Variants in POLR1C observed in about 807,000 individuals in gnomAD.
POLR1C encodes RNA polymerase I and III subunit C.
Under a neutral mutation model 38.3 loss-of-function variants are expected in POLR1C, and 42 were observed. The ratio of observed to expected loss-of-function variants is 1.10; its 90% CI spans 0.86 to 1.42. The LOEUF (loss-of-function observed/expected upper bound fraction) is 1.42. Ranked by LOEUF, POLR1C falls within the 40% of genes most tolerant of loss-of-function variation. POLR1C has a pLI of 0.00. For missense variants in POLR1C, 507 were observed against 450.5 expected, an observed-to-expected ratio of 1.13 and a Z score of -1.14; for synonymous variants, 163 against 163.9, an observed-to-expected ratio of 0.99 and a Z score of 0.04.
downstream of POLR1C, chr6:43,524,981 CTG>C: frequency 1.9e-6 from 3 of 1,611,960 alleles, no homozygotes; most frequent in Non-Finnish European, 2.5e-6. Flanking sequence ...GGGGAGACAA[CTG>C]TGCTTTAGGG....
At chr6:43,558,049 C>T (rs915468019) in intron 10 of POLR1C, among the ~76,000 whole-genome samples, 6 of 150,808 alleles carry the variant, frequency 4.0e-5, no homozygotes, top group Non-Finnish European at 3.0e-5. Flanking sequence ...GAGCCGAGAT[C>T]GCGCCATTGC....
downstream of POLR1C, among the ~76,000 whole-genome samples, chr6:43,532,352 C>T (rs1406663437): frequency 6.6e-6 from 1 of 152,142 alleles, no homozygotes; most frequent in Non-Finnish European, 1.5e-5. Context: ...CTGAGGAATG[C>T]CATTGGATTG....
In POLR1C at chr6:43,517,217, G is replaced by C. The variant is rs372828388; in HGVS notation, c.69+39G>C. 3.0e-5 allele frequency: 48 copies of C among 1,611,240 alleles called. No individual in the cohort carries two copies. The African/African-American group carries it at 6.1e-4, about 21-fold the overall frequency. On this transcript the variant is annotated intron_variant, in intron 1 of 8. Transcript: ENST00000642195. ...CCTTGAGCTCGGGCGGGAGGAATGA[G>C]AGCGGAACAGGGATGGGTCTTGGGA...
At chr6:43,541,272 G>A (rs1014463628) in intron 9 of POLR1C, among the ~76,000 whole-genome samples, 5 of 152,188 alleles carry the variant, frequency 3.3e-5, no homozygotes, top group African/African-American at 1.2e-4. Context: ...TAACTGGATT[G>A]TTTGTAACAC....
chr6:43,519,486 C>A, intron 3 of POLR1C, 46 bp downstream of exon 3: 1 of 1,404,868 alleles, frequency 7.1e-7, no homozygotes, highest in Non-Finnish European at 1.0e-6. Flanking sequence ...TTGGGAACTG[C>A]ACTGACACCT....
At chr6:43,530,954 A>G, downstream of POLR1C, 1 of 1,208,958 alleles carries the variant, frequency 8.3e-7, no homozygotes, top group Non-Finnish European at 1.1e-6. Flanking sequence ...TATTTACTTA[A>G]GAGAACTTAT....
intron 10 of POLR1C, chr6:43,556,058 G>A: frequency 6.7e-7 from 1 of 1,499,932 alleles, no homozygotes; most frequent in Non-Finnish European, 9.0e-7. Flanking sequence ...TAGGGGAAAA[G>A]CATTCAAAGG....
intron 10 of POLR1C, chr6:43,553,524 C>CAT (rs775283344): frequency 3.9e-6 from 6 of 1,519,604 alleles, no homozygotes; most frequent in East Asian, 5.0e-5. Context: ...CACACACACA[C>CAT]ATACACACAC....
intron 9 of POLR1C, among the ~76,000 whole-genome samples, chr6:43,536,760 A>T (rs1794351440): frequency 9.9e-5 from 6 of 60,726 alleles, no homozygotes; most frequent in East Asian, 1.1e-3. Context: ...ACTCTATCTA[A>T]AAAAAAAAAA....
At chr6:43,530,242 GC>G (rs1352624901), downstream of POLR1C, among the ~76,000 whole-genome samples, 1 of 151,908 alleles carries the variant, frequency 6.6e-6, no homozygotes, top group Non-Finnish European at 1.5e-5. Flanking sequence ...GGGCAATAGA[GC>G]AAAACTCTGT....
intron 10 of POLR1C, among the ~76,000 whole-genome samples, chr6:43,559,435 G>A (rs966839121): frequency 4.6e-5 from 7 of 152,208 alleles, no homozygotes; most frequent in African/African-American, 1.4e-4. Flanking sequence ...GCTCTTAGCA[G>A]GGAATTCATG....
At chr6:43,517,800 C>A (rs966941256) in intron 2 of POLR1C, among the ~76,000 whole-genome samples, 1 of 152,020 alleles carries the variant, frequency 6.6e-6, no homozygotes, top group Non-Finnish European at 1.5e-5. Flanking sequence ...CAGTGAAGTT[C>A]AGGATATACA....
chr6:43,517,337 C>A lies in POLR1C; in HGVS notation c.101C>A (p.Ser34Tyr). 6.2e-7 allele frequency: 1 copy of A among 1,614,090 alleles called. No individual in the cohort carries two copies. The highest frequency in any genetic ancestry group is 8.5e-7 in the Non-Finnish European group (1 of 1,180,002). ...VHTTDFPGNY[S>Y]GYDDAWDQDR... Reference sequence around the variant, plus strand: ...ACTACTGACTTTCCCGGTAACTATTCCGGTTATGATGATGCCTGGGACCAG... The same window carrying A: ...ACTACTGACTTTCCCGGTAACTATTACGGTTATGATGATGCCTGGGACCAG... Residue 34 changes from serine to tyrosine, a missense_variant, in exon 2 of 9, where the codon TCC (serine) becomes TAC (tyrosine). Coordinates refer to ENST00000642195, the MANE Select transcript of POLR1C (RefSeq NM_203290.4).
chr6:43,520,573 C>A, intron 6 of POLR1C, 52 bp from the exon 7 acceptor site: 3 of 1,611,148 alleles, frequency 1.9e-6, no homozygotes, highest in South Asian at 2.2e-5. Flanking sequence ...GAGGAGTATT[C>A]TTCCTAACCC....
At chr6:43,528,123 T>G (rs759768161) in intron 8 of POLR1C, 2 of 1,571,190 alleles carry the variant, frequency 1.3e-6, no homozygotes, top group South Asian at 2.3e-5. Flanking sequence ...TGGCTGCCAG[T>G]TCATCCACCA....
At chr6:43,551,202 G>GCA in intron 10 of POLR1C, 2 of 1,297,972 alleles carry the variant, frequency 1.5e-6, no homozygotes, top group Non-Finnish European at 2.0e-6. Flanking sequence ...TCCAGCCTGG[G>GCA]CAATGTAGCA....
At chr6:43,546,728 G>C (rs1246168489) in intron 9 of POLR1C, 5 of 1,606,112 alleles carry the variant, frequency 3.1e-6, no homozygotes, top group Non-Finnish European at 3.4e-6. Flanking sequence ...ACCACACCCA[G>C]AATGCTGTAT....
chr6:43,551,238 T>A, intron 10 of POLR1C: 1 of 1,473,184 alleles, frequency 6.8e-7, no homozygotes, highest in Admixed American at 2.5e-5. Context: ...AAAAATAAAA[T>A]AAATAAAAAT....
intron 9 of POLR1C, chr6:43,539,671 AG>A: frequency 2.9e-6 from 3 of 1,025,516 alleles, no homozygotes; most frequent in Non-Finnish European, 4.3e-6. Flanking sequence ...CAGGGCCTCC[AG>A]GCCCCCCCAC....
Sources: gnomAD v4.1 joint callset for allele counts (sites outside exome capture counted in the v4.1 genomes callset) on GRCh38, gnomAD v4.1.1 for gene constraint, MANE v1.5 for transcripts, NCBI Gene and HGNC (gene_info 2026-07-23, HGNC 2026-07-21) for gene names.